The following MERTK variants were observed in gnomAD, a reference collection of about 807,000 sequenced individuals.
MERTK encodes the protein MER proto-oncogene, tyrosine kinase.
MERTK carries 69 observed loss-of-function variants against 99.3 expected under a neutral mutation model. The observed-to-expected ratio is 0.70, with a 90% confidence interval of 0.57 to 0.85. The LOEUF is 0.85. Among genes scored for constraint, MERTK ranks in the 40% least tolerant of loss-of-function variants. MERTK has a pLI of 0.00. For synonymous variants in MERTK, 426 were observed against 467.6 expected (o/e 0.91, Z 1.15); for missense variants, 1,125 against 1,249.4 (o/e 0.90, Z 1.50).
rs1365859437 is a variant in MERTK at position 112,008,414 on chromosome 2, G to A, written c.1899G>A (p.Glu633=). The A allele has an allele frequency of 6.2e-7, 1 of 1,614,084 alleles. No individual in the cohort carries two copies. Among genetic ancestry groups the A allele is most frequent in the Non-Finnish European group, 8.5e-7 (1 of 1,179,970 alleles). ...LDNSSQREIE[E]FLSEAACMKD... ...ACTCTTCACAGCGGGAGATCGAGGA[G>A]TTTCTCAGTGAGGCAGCGTGCATGA... The change falls in exon 14 of 19, where the codon GAG becomes GAA. Residue 633 remains glutamate, a synonymous_variant. Transcript: ENST00000295408.
intron 1 of MERTK, among the ~76,000 whole-genome samples, chr2:111,925,164 T>G (rs1684530151): frequency 6.6e-6 from 1 of 151,064 alleles, no homozygotes. Context: ...GTCTCTTTCT[T>G]TATCCCATTT....
At chr2:111,956,044 C>T (rs575592215) in intron 4 of MERTK, among the ~76,000 whole-genome samples, 3 of 151,810 alleles carry the variant, frequency 2.0e-5, no homozygotes, top group Non-Finnish European at 2.9e-5. Flanking sequence ...ATGCAGCAAA[C>T]CAACATGGCA....
At chr2:112,019,762 C>G (rs1190112350) in intron 16 of MERTK, among the ~76,000 whole-genome samples, 1 of 152,200 alleles carries the variant, frequency 6.6e-6, no homozygotes, top group Non-Finnish European at 1.5e-5. Flanking sequence ...TACCTTCACT[C>G]TCTCACTCGG....
intron 15 of MERTK, among the ~76,000 whole-genome samples, chr2:112,016,456 T>G (rs971197981): frequency 2.6e-5 from 4 of 152,234 alleles, no homozygotes; most frequent in African/African-American, 9.6e-5. Context: ...GATCTTTTCT[T>G]TGCTGCCTGG....
At chr2:112,004,434 C>T (rs560213485) in intron 13 of MERTK, among the ~76,000 whole-genome samples, 2 of 152,216 alleles carry the variant, frequency 1.3e-5, no homozygotes, top group Admixed American at 6.5e-5. Context: ...GAGGAAGCTG[C>T]GGGCTGCCTG....
chr2:111,923,650 AT>A (rs1006040456), intron 1 of MERTK, among the ~76,000 whole-genome samples: 1 of 152,196 alleles, frequency 6.6e-6, no homozygotes, highest in African/African-American at 2.4e-5. Context: ...TTTCTTGTGA[AT>A]TCCACCCAAA....
intron 7 of MERTK, among the ~76,000 whole-genome samples, chr2:111,976,628 G>C (rs1676258932): frequency 1.3e-5 from 2 of 150,854 alleles, no homozygotes; most frequent in African/African-American, 4.9e-5. Context: ...TAACCCACAA[G>C]TCCATTAAAA....
intron 1 of MERTK, among the ~76,000 whole-genome samples, chr2:111,911,897 G>A (rs923415162): frequency 1.3e-5 from 2 of 151,456 alleles, no homozygotes; most frequent in South Asian, 2.1e-4. Context: ...CCACATTGTC[G>A]AGGCTGGTCT....
chr2:112,022,484 G>C (rs775658078), intron 18 of MERTK, 90 bp downstream of exon 18: 14 of 1,583,034 alleles, frequency 8.8e-6, no homozygotes, highest in Non-Finnish European at 2.6e-6. Context: ...CATGGGAGGG[G>C]AAAGGGACTG....
chr2:111,921,909 T>C (rs1461521699), intron 1 of MERTK, among the ~76,000 whole-genome samples: 2 of 152,160 alleles, frequency 1.3e-5, no homozygotes, highest in East Asian at 3.9e-4. Context: ...GGCTGAACTT[T>C]AGAGAGCTCA....
At chr2:112,010,496 A>G (rs545612906) in intron 15 of MERTK, among the ~76,000 whole-genome samples, 2 of 152,212 alleles carry the variant, frequency 1.3e-5, no homozygotes, top group South Asian at 2.1e-4. Flanking sequence ...AGACTGCACA[A>G]CTGACATTCT....
chr2:111,999,869 A>G (rs79464516), intron 10 of MERTK, among the ~76,000 whole-genome samples: 36,237 of 152,118 alleles, frequency 0.24, 4,614 homozygotes, highest in South Asian at 0.32. Flanking sequence ...GAGTTATCCA[A>G]TATCCAATAT....
intron 2 of MERTK, among the ~76,000 whole-genome samples, chr2:111,929,753 ATT>A (rs72180817): frequency 2.1e-5 from 3 of 143,296 alleles, no homozygotes; most frequent in Admixed American, 6.9e-5. Context: ...CACCCAGCTA[ATT>A]TTTTTTTTTT....
Position 112,022,138 on chromosome 2 carries a change from A to T in MERTK, c.2350-120A>T, listed in dbSNP as rs192137735. On this transcript the variant is annotated intron_variant, in intron 17 of 18. Coordinates refer to ENST00000295408, the MANE Select transcript of MERTK (RefSeq NM_006343.3). ...GTTGGGAGAGCAGTGCGTCTCACAC[A>T]TAATTGCCAGCTTTGTGCATGATCA... 6 of 1,418,974 alleles carry T rather than the reference A, an allele frequency of 4.2e-6. No individual in the cohort carries two copies. The African/African-American group carries it at 8.5e-5, about 20-fold the overall frequency. The allele number at this position is 1,418,974 out of a possible 1,614,324, so 87.9% of individuals were successfully genotyped here. A position where few individuals can be genotyped will look rare whatever the true frequency, so the allele number is the denominator to read the frequency against.
At chr2:111,931,085 A>G (rs1192042554) in intron 2 of MERTK, among the ~76,000 whole-genome samples, 1 of 152,298 alleles carries the variant, frequency 6.6e-6, no homozygotes, top group South Asian at 2.1e-4. Flanking sequence ...ACCATCCCAT[A>G]CTGTGTCATG....
chr2:111,927,220 A>C (rs1431121134), intron 1 of MERTK, among the ~76,000 whole-genome samples: 1 of 152,202 alleles, frequency 6.6e-6, no homozygotes, highest in Non-Finnish European at 1.5e-5. Context: ...CAGCCATGAG[A>C]GTTGGCCCCC....
chr2:112,020,752 G>A (rs911462699), intron 16 of MERTK: 3 of 463,010 alleles, frequency 6.5e-6, no homozygotes, highest in African/African-American at 6.0e-5. Flanking sequence ...TGGGGTCCTG[G>A]ATCAGTCCAC....
At position 111,975,389 on chromosome 2, in the gene MERTK, A is replaced by C. The variant is rs758562603; in HGVS notation, c.1061A>C (p.Asn354Thr). Reference protein sequence around the residue: ...YQIKQLQALANYSIGVSCMNE... With the variant: ...YQIKQLQALATYSIGVSCMNE... Reference sequence around the variant, plus strand: ...ATCAAGCAGCTGCAAGCCCTGGCTAATTACAGCATTGGTGTTTCCTGCATG... The same window carrying C: ...ATCAAGCAGCTGCAAGCCCTGGCTACTTACAGCATTGGTGTTTCCTGCATG... Residue 354 changes from asparagine to threonine, a missense_variant, in exon 7 of 19, where the codon AAT becomes ACT. Coordinates refer to ENST00000295408, the MANE Select transcript of MERTK (RefSeq NM_006343.3). 2 of 1,614,168 alleles carry C rather than the reference A, an allele frequency of 1.2e-6. No individual in the cohort carries two copies. Among genetic ancestry groups the C allele is most frequent in the Non-Finnish European group, 8.5e-7 (1 of 1,180,008 alleles).
chr2:112,022,526 G>GTCT, intron 18 of MERTK, 132 bp downstream of exon 18: 2 of 1,355,450 alleles, frequency 1.5e-6, no homozygotes, highest in Non-Finnish European at 2.1e-6. Context: ...GCAGAGGGGT[G>GTCT]GAACCCACAG....
Sources: gnomAD v4.1 joint callset for allele counts (sites outside exome capture counted in the v4.1 genomes callset) on GRCh38, gnomAD v4.1.1 for gene constraint, MANE v1.5 for transcripts, NCBI Gene and HGNC (gene_info 2026-07-23, HGNC 2026-07-21) for gene names.